Variants in KMT2C observed in about 807,000 individuals in gnomAD.
KMT2C encodes histone-lysine N-methyltransferase 2C.
KMT2C carries 88 observed loss-of-function variants against 507.9 expected under a neutral mutation model. The ratio of observed to expected loss-of-function variants is 0.17; its 90% CI spans 0.15 to 0.21. The LOEUF is 0.21. KMT2C is among the 10% of genes least tolerant of loss of function. The probability of loss-of-function intolerance (pLI) is 1.00; values close to 1 mark genes in which losing one functional copy is unlikely to be tolerated. For synonymous variants in KMT2C, 2,049 were observed against 2,080.8 expected (o/e 0.98, Z 0.42); for missense variants, 4,954 against 5,957.8 (o/e 0.83, Z 5.55).
intron 2 of KMT2C, among the ~76,000 whole-genome samples, chr7:152,351,783 C>T (rs141475664): frequency 6.6e-6 from 1 of 152,082 alleles, no homozygotes; most frequent in African/African-American, 2.4e-5. Flanking sequence ...AATCAATACC[C>T]TTGTGATTTC....
chr7:152,258,845 A>C (rs2095707619), intron 9 of KMT2C, among the ~76,000 whole-genome samples: 2 of 152,132 alleles, frequency 1.3e-5, no homozygotes, highest in Non-Finnish European at 1.5e-5. Context: ...AGTTTTTCAA[A>C]TCTAGAAGGA....
intron 1 of KMT2C, among the ~76,000 whole-genome samples, chr7:152,364,159 G>C (rs1390457618): frequency 6.6e-6 from 1 of 152,148 alleles, no homozygotes; most frequent in African/African-American, 2.4e-5. Context: ...GAACAATAAT[G>C]ATTCCCAACT....
At chr7:152,190,205 T>G (rs1798686246) in intron 31 of KMT2C, among the ~76,000 whole-genome samples, 1 of 152,136 alleles carries the variant, frequency 6.6e-6, no homozygotes, top group Non-Finnish European at 1.5e-5. Flanking sequence ...GACTGCTGCG[T>G]TAAGGAATGT....
intron 6 of KMT2C, among the ~76,000 whole-genome samples, chr7:152,288,021 T>TC (rs1404295624): frequency 2.7e-5 from 1 of 37,090 alleles, no homozygotes; most frequent in East Asian, 7.7e-4. Context: ...AGAGTCTGCC[T>TC]CAAAAAAAAA....
Position 152,435,677 on chromosome 7 carries a change from C to T in KMT2C, c.110G>A (p.Arg37Gln). 1 of 1,548,406 alleles carries T rather than the reference C, an allele frequency of 6.5e-7. No homozygotes were observed. The highest frequency in any genetic ancestry group is 8.7e-7 in the Non-Finnish European group (1 of 1,146,768). ...AGCGCCATCTTTGCGAGGCCGGCCC[C>T]GAGGTCTTTTGTCTGCGGCTGCGGG... is the stretch of plus-strand genomic sequence containing the variant. The part of the protein sequence containing the change: ...PSPAAADKRP[R>Q]GRPRKDGASP... Residue 37 changes from arginine to glutamine, a missense_variant, in exon 1 of 59, where the codon CGG (arginine) becomes CAG (glutamine). Transcript: ENST00000262189.
intron 23 of KMT2C, among the ~76,000 whole-genome samples, chr7:152,211,710 C>CATCT (rs2094458825): frequency 6.6e-6 from 1 of 152,234 alleles, no homozygotes; most frequent in Non-Finnish European, 1.5e-5. Flanking sequence ...TTCTAACCAA[C>CATCT]ATCTTCACAA....
Position 152,139,191 on chromosome 7 carries a change from G to A in KMT2C, c.14529C>T (p.Pro4843=), listed in dbSNP as rs368172085. 5.0e-5 allele frequency: 81 copies of A among 1,613,956 alleles called. No homozygotes were observed. The highest frequency in any genetic ancestry group is 9.9e-5 in the South Asian group (9 of 91,074). The change falls in exon 57 of 59, where the codon CCC becomes CCT. Residue 4843 remains proline (P), a synonymous_variant. Coordinates refer to ENST00000262189, the MANE Select transcript of KMT2C (RefSeq NM_170606.3). The part of the protein sequence containing the change: ...HVIDATLTGG[P]ARYINHSCAP... ...CAGGTTCCTCGCTGTCTCACCTTGC[G>A]GGCCCTCCTGTGAGCGTCGCGTCAA...
intron 28 of KMT2C, chr7:152,195,696 T>C (rs2093941595): frequency 3.4e-6 from 1 of 294,392 alleles, no homozygotes; most frequent in Admixed American, 6.5e-5. Context: ...GTGATGCAAT[T>C]AGAAAGACGA....
intron 32 of KMT2C, 63 bp downstream of exon 32, chr7:152,187,648 CTAAT>C: frequency 1.3e-6 from 2 of 1,541,056 alleles, no homozygotes; most frequent in Admixed American, 1.9e-5. Flanking sequence ...TTTAAGCAGA[CTAAT>C]TTATATATAA....
chr7:152,345,320 T>C (rs143685417), intron 2 of KMT2C, among the ~76,000 whole-genome samples: 124 of 152,074 alleles, frequency 8.2e-4, no homozygotes, highest in African/African-American at 2.8e-3. Flanking sequence ...TGAGCACAGG[T>C]AGTCCCAGCT....
intron 14 of KMT2C, among the ~76,000 whole-genome samples, chr7:152,240,381 G>A (rs1362409808): frequency 1.3e-5 from 2 of 152,214 alleles, no homozygotes; most frequent in South Asian, 2.1e-4. Context: ...TGCCTTCCTC[G>A]CTAATCTTTC....
At chr7:152,220,871 ATAAT>A in intron 22 of KMT2C, 136 bp from the exon 23 acceptor site, 1 of 644,440 alleles carries the variant, frequency 1.6e-6, no homozygotes, top group Non-Finnish European at 2.7e-6. Flanking sequence ...AAATGCATGA[ATAAT>A]TAACTTCATG....
At chr7:152,197,876 T>C (rs894137765) in intron 27 of KMT2C, among the ~76,000 whole-genome samples, 1 of 152,084 alleles carries the variant, frequency 6.6e-6, no homozygotes, top group Non-Finnish European at 1.5e-5. Context: ...CTCCAAGTTT[T>C]GGCCTTATTG....
At chr7:152,197,293 T>C (rs771846293) in intron 27 of KMT2C, among the ~76,000 whole-genome samples, 64 of 152,270 alleles carry the variant, frequency 4.2e-4, no homozygotes, top group African/African-American at 1.4e-3. Flanking sequence ...CAAGAAACTA[T>C]TGGAACTCTT....
chr7:152,147,015 T>A (rs996895542), intron 52 of KMT2C, among the ~76,000 whole-genome samples: 1 of 152,248 alleles, frequency 6.6e-6, no homozygotes, highest in African/African-American at 2.4e-5. Context: ...TTCATTTACT[T>A]TCATAGTGGC....
At chr7:152,295,786 G>A (rs1354159839) in intron 6 of KMT2C, among the ~76,000 whole-genome samples, 1 of 152,182 alleles carries the variant, frequency 6.6e-6, no homozygotes, top group Non-Finnish European at 1.5e-5. Context: ...TGAACGCTCG[G>A]CTGGGCGCAG....
intron 14 of KMT2C, among the ~76,000 whole-genome samples, chr7:152,247,410 A>T (rs1588557862): frequency 6.6e-6 from 1 of 152,220 alleles, no homozygotes; most frequent in African/African-American, 2.4e-5. Flanking sequence ...ATCCCACAAG[A>T]GTTAGCAATT....
At chr7:152,213,312 G>A (rs376371772) in intron 23 of KMT2C, among the ~76,000 whole-genome samples, 1 of 152,178 alleles carries the variant, frequency 6.6e-6, no homozygotes, top group Admixed American at 6.5e-5. Context: ...CTGATTTCAA[G>A]TTATATTACA....
At chr7:152,235,296 T>C (rs1232767521) in intron 16 of KMT2C, among the ~76,000 whole-genome samples, 1 of 151,790 alleles carries the variant, frequency 6.6e-6, no homozygotes, top group Non-Finnish European at 1.5e-5. Context: ...GGTTTTAAAA[T>C]TTTTCTTTTT....
Sources: allele counts gnomAD v4.1 joint callset (sites outside exome capture counted in the v4.1 genomes callset), GRCh38; gene constraint gnomAD v4.1.1; transcripts MANE v1.5; gene names NCBI Gene and HGNC (gene_info 2026-07-23, HGNC 2026-07-21).